ATP9A: variants seen among roughly 807,000 people sequenced by gnomAD.
The protein encoded by ATP9A is probable phospholipid-transporting ATPase IIA.
A neutral mutation model predicts 144.1 loss-of-function variants in ATP9A; 52 were observed. The ratio of observed to expected loss-of-function variants is 0.36; its 90% CI spans 0.29 to 0.45. The LOEUF is 0.45. Among genes scored for constraint, ATP9A ranks in the 20% least tolerant of loss-of-function variants. ATP9A has a pLI of 1.00. For synonymous variants in ATP9A, 582 were observed against 557.4 expected (o/e 1.04, Z -0.62); for missense variants, 947 against 1,392.7 (o/e 0.68, Z 5.09).
rs111956720 is a variant in ATP9A at position 51,619,559 on chromosome 20, T to C, written c.2116-516A>G. The stretch of plus-strand genomic sequence containing the variant: ...AGTATGGGCAACAGAGCAAGACTCG[T>C]CTTTTAAAAAAAAAAAAGGGGGGGG... On this transcript the variant is annotated intron_variant, in intron 19 of 27. Coordinates refer to ENST00000338821, the MANE Select transcript of ATP9A (RefSeq NM_006045.3). Among the ~76,000 whole-genome samples, 8 of 66,906 alleles carry C rather than the reference T, an allele frequency of 1.2e-4. 1 individual carries two copies. Among genetic ancestry groups the C allele is most frequent in the African/African-American group, 5.2e-4 (8 of 15,444 alleles). The allele number at this position is 66,906 out of a possible 152,430, so 43.9% of individuals were successfully genotyped here.
At chr20:51,605,994 T>G (rs1013414103) in intron 26 of ATP9A, among the ~76,000 whole-genome samples, 1 of 151,746 alleles carries the variant, frequency 6.6e-6, no homozygotes, top group Non-Finnish European at 1.5e-5. Context: ...CCCCAGCCAG[T>G]CGCGGTGGCT....
rs541669913 is a variant in ATP9A at position 51,610,861 on chromosome 20, A to G, written c.2572-696T>C. On this transcript the variant is annotated intron_variant, in intron 23 of 27. Transcript: ENST00000338821. ...GGAAATTTTTGAAAAGAGCATGGTGACAGATTATTTTTGCAATTAGACAAA... is the reference window on the plus strand; with the variant it reads ...GGAAATTTTTGAAAAGAGCATGGTGGCAGATTATTTTTGCAATTAGACAAA... Among the ~76,000 whole-genome samples the G allele has an allele frequency of 7.9e-5, 12 of 152,318 alleles. No homozygotes were observed. In the East Asian group the frequency reaches 1.5e-3, roughly 20 times the overall value.
At chr20:51,767,356 G>A (rs2077909449) in intron 1 of ATP9A, among the ~76,000 whole-genome samples, 1 of 152,174 alleles carries the variant, frequency 6.6e-6, no homozygotes, top group Admixed American at 6.5e-5. Flanking sequence ...GGCGGGTCTA[G>A]GCGGGGGCCG....
chr20:51,602,244 C>T (rs2077146270), intron 27 of ATP9A, among the ~76,000 whole-genome samples: 1 of 152,118 alleles, frequency 6.6e-6, no homozygotes, highest in South Asian at 2.1e-4. Flanking sequence ...AGAGGAGTGA[C>T]AGTTTGTGGC....
intron 1 of ATP9A, among the ~76,000 whole-genome samples, chr20:51,739,299 C>T (rs1055880169): frequency 6.6e-6 from 1 of 151,940 alleles, no homozygotes; most frequent in Non-Finnish European, 1.5e-5. Flanking sequence ...CTTAGGTCTA[C>T]TCCCTCAGTC....
chr20:51,610,921 G>T (rs563177246), intron 23 of ATP9A, among the ~76,000 whole-genome samples: 1 of 152,308 alleles, frequency 6.6e-6, no homozygotes, highest in East Asian at 1.9e-4. Flanking sequence ...TCGCGGAAAT[G>T]TCTGCTTCCT....
intron 17 of ATP9A, 113 bp from the exon 18 acceptor site, chr20:51,625,475 AC>A: frequency 7.9e-7 from 1 of 1,261,580 alleles, no homozygotes; most frequent in Non-Finnish European, 1.1e-6. Flanking sequence ...GGGGTGGGGG[AC>A]CCCAGCAGGT....
intron 15 of ATP9A, among the ~76,000 whole-genome samples, chr20:51,631,754 G>A (rs1460009016): frequency 6.6e-6 from 1 of 152,174 alleles, no homozygotes; most frequent in Non-Finnish European, 1.5e-5. Flanking sequence ...CTACAGCCAC[G>A]ATCCAAACCC....
chr20:51,694,165 G>T, intron 6 of ATP9A, 63 bp from the exon 7 acceptor site: 2 of 1,380,934 alleles, frequency 1.4e-6, no homozygotes, highest in East Asian at 2.3e-5. Context: ...GCAGCTCTGG[G>T]CAGCGTCTGC....
intron 13 of ATP9A, among the ~76,000 whole-genome samples, chr20:51,658,514 T>TC (rs2077396572): frequency 9.2e-6 from 1 of 108,452 alleles, no homozygotes. Flanking sequence ...CACCTATGCT[T>TC]CCTTTTTTTT....
intron 9 of ATP9A, 151 bp downstream of exon 9, chr20:51,688,913 G>T: frequency 1.1e-6 from 1 of 878,608 alleles, no homozygotes; most frequent in Non-Finnish European, 1.8e-6. Context: ...GCAATTAGAT[G>T]TCAGTTTAAT....
intron 3 of ATP9A, among the ~76,000 whole-genome samples, chr20:51,723,534 C>T (rs1252435652): frequency 2.0e-5 from 3 of 151,118 alleles, no homozygotes; most frequent in Non-Finnish European, 4.4e-5. Context: ...TGATTGCACA[C>T]TGCACTACAG....
rs187877571 is a variant in ATP9A at position 51,753,522 on chromosome 20, C to T, written c.68+14780G>A. ...TTCTACATGGTTCCTAGTCATAAAA[C>T]AATGTACACGCAGAAACAAACAGGA... On this transcript the variant is annotated intron_variant, in intron 1 of 27. Transcript: ENST00000338821. Among the ~76,000 whole-genome samples, 42 of 152,214 alleles carry T rather than the reference C, an allele frequency of 2.8e-4. 1 individual carries two copies. In the East Asian group the frequency reaches 6.2e-3, roughly 22 times the overall value.
chr20:51,742,694 T>C (rs1473455869), intron 1 of ATP9A, among the ~76,000 whole-genome samples: 1 of 152,098 alleles, frequency 6.6e-6, no homozygotes, highest in South Asian at 2.1e-4. Context: ...TTTGTATTTT[T>C]AGTAGAGACG....
intron 14 of ATP9A, among the ~76,000 whole-genome samples, chr20:51,640,569 G>A (rs55663315): frequency 0.022 from 3,338 of 152,290 alleles, 67 homozygotes; most frequent in African/African-American, 0.052. Flanking sequence ...AGGCCAGACT[G>A]GCACCTGGAT....
intron 14 of ATP9A, among the ~76,000 whole-genome samples, chr20:51,645,701 A>C (rs2077339503): frequency 6.6e-6 from 1 of 152,174 alleles, no homozygotes; most frequent in Non-Finnish European, 1.5e-5. Flanking sequence ...AACATCCCCC[A>C]GAGTCCTACT....
chr20:51,737,080 C>T (rs1039717556), intron 1 of ATP9A, among the ~76,000 whole-genome samples: 2 of 152,210 alleles, frequency 1.3e-5, no homozygotes, highest in African/African-American at 2.4e-5. Flanking sequence ...AAATCATCTG[C>T]TACATCCGCT....
chr20:51,621,147 C>CA (rs377707016), intron 19 of ATP9A, among the ~76,000 whole-genome samples: 2,494 of 102,506 alleles, frequency 0.024, 46 homozygotes, highest in African/African-American at 0.038. Context: ...GGCCCCATCT[C>CA]AAAAAAAAAA....
At chr20:51,701,598 C>T (rs541050205) in intron 4 of ATP9A, among the ~76,000 whole-genome samples, 1 of 152,288 alleles carries the variant, frequency 6.6e-6, no homozygotes, top group East Asian at 1.9e-4. Flanking sequence ...GCCAATCCTT[C>T]ATGCAAACAC....
Sources: allele counts gnomAD v4.1 joint callset (sites outside exome capture counted in the v4.1 genomes callset), GRCh38; gene constraint gnomAD v4.1.1; transcripts MANE v1.5; gene names NCBI Gene and HGNC (gene_info 2026-07-23, HGNC 2026-07-21).